Variants in AGBL4 observed in about 807,000 individuals in gnomAD.
AGBL4 encodes cytosolic carboxypeptidase 6.
Under a neutral mutation model 66.4 loss-of-function variants are expected in AGBL4, and 58 were observed. That is an observed-to-expected ratio of 0.87 (90% CI 0.71 to 1.09). The LOEUF is 1.09. Among genes scored for constraint, AGBL4 ranks in the 50% least tolerant of loss-of-function variants. The pLI is 0.00. For missense variants in AGBL4, 579 were observed against 631.0 expected, an observed-to-expected ratio of 0.92 and a Z score of 0.88; for synonymous variants, 234 against 222.9, an observed-to-expected ratio of 1.05 and a Z score of -0.44.
At chr1:49,775,216 C>T (rs1315237460) in intron 2 of AGBL4, among the ~76,000 whole-genome samples, 3 of 152,148 alleles carry the variant, frequency 2.0e-5, no homozygotes, top group South Asian at 2.1e-4. Context: ...TTCCACTTAA[C>T]GTTAGGTAAA....
At chr1:49,471,419 G>T (rs1310713220) in intron 3 of AGBL4, among the ~76,000 whole-genome samples, 1 of 151,850 alleles carries the variant, frequency 6.6e-6, no homozygotes, top group African/African-American at 2.4e-5. Flanking sequence ...TAGGAAGATG[G>T]AGCACATGTA....
intron 9 of AGBL4, among the ~76,000 whole-genome samples, chr1:48,591,516 G>A (rs1287252578): frequency 2.0e-5 from 3 of 152,066 alleles, no homozygotes; most frequent in Non-Finnish European, 2.9e-5. Flanking sequence ...TGAAAAACGA[G>A]TATTTTAATT....
At chr1:49,487,189 T>G (rs1352620011) in intron 3 of AGBL4, among the ~76,000 whole-genome samples, 1 of 151,974 alleles carries the variant, frequency 6.6e-6, no homozygotes, top group Non-Finnish European at 1.5e-5. Context: ...GATTATTTCA[T>G]CCAACTCATA....
chr1:49,217,911 T>C (rs1649212400), intron 4 of AGBL4, among the ~76,000 whole-genome samples: 1 of 152,124 alleles, frequency 6.6e-6, no homozygotes, highest in South Asian at 2.1e-4. Context: ...CCAATCTTCC[T>C]ACCAGGGCAA....
intron 5 of AGBL4, among the ~76,000 whole-genome samples, chr1:49,001,330 A>G (rs1661378541): frequency 6.6e-6 from 1 of 152,218 alleles, no homozygotes; most frequent in African/African-American, 2.4e-5. Context: ...AGCTCTAATT[A>G]TATGCCAGAG....
At chr1:49,504,253 T>G (rs372293563) in intron 3 of AGBL4, among the ~76,000 whole-genome samples, 4 of 152,190 alleles carry the variant, frequency 2.6e-5, no homozygotes, top group African/African-American at 9.6e-5. Flanking sequence ...TGATTGTAAG[T>G]TTTCTGAGGC....
chr1:49,662,064 GA>G (rs1291233765), intron 3 of AGBL4, among the ~76,000 whole-genome samples: 1 of 151,554 alleles, frequency 6.6e-6, no homozygotes, highest in African/African-American at 2.4e-5. Flanking sequence ...CAGACAAAAA[GA>G]AATAATAATA....
intron 6 of AGBL4, among the ~76,000 whole-genome samples, chr1:48,820,232 ACT>A (rs1646280935): frequency 1.3e-5 from 2 of 152,122 alleles, no homozygotes; most frequent in Non-Finnish European, 2.9e-5. Flanking sequence ...CTTAGAAAAC[ACT>A]CTCATTTAAG....
chr1:49,569,854 A>T (rs1334650994), intron 3 of AGBL4, among the ~76,000 whole-genome samples: 1 of 152,068 alleles, frequency 6.6e-6, no homozygotes, highest in Non-Finnish European at 1.5e-5. Context: ...TTGTGTGTTC[A>T]CTTATTTCAC....
At chr1:49,228,634 T>C (rs1472943553) in intron 4 of AGBL4, among the ~76,000 whole-genome samples, 1 of 152,174 alleles carries the variant, frequency 6.6e-6, no homozygotes, top group African/African-American at 2.4e-5. Context: ...TGGATTGCTG[T>C]GAGCAAGGGG....
intron 5 of AGBL4, among the ~76,000 whole-genome samples, chr1:48,918,829 C>A (rs556755540): frequency 6.6e-6 from 1 of 152,324 alleles, no homozygotes; most frequent in South Asian, 2.1e-4. Flanking sequence ...ATACCAATTT[C>A]ATAGTGACTC....
At chr1:48,732,002 A>C (rs1314918793) in intron 6 of AGBL4, among the ~76,000 whole-genome samples, 1 of 152,130 alleles carries the variant, frequency 6.6e-6, no homozygotes, top group African/African-American at 2.4e-5. Context: ...AGTACTGTGG[A>C]GAGATGCAGA....
chr1:48,947,178 C>T (rs1376492379), intron 5 of AGBL4, among the ~76,000 whole-genome samples: 1 of 152,228 alleles, frequency 6.6e-6, no homozygotes, highest in Non-Finnish European at 1.5e-5. Flanking sequence ...AAAAGCCTTT[C>T]CTGATGCTCC....
intron 3 of AGBL4, among the ~76,000 whole-genome samples, chr1:49,573,442 C>G (rs1433923634): frequency 1.3e-5 from 2 of 152,036 alleles, no homozygotes; most frequent in Non-Finnish European, 2.9e-5. Context: ...TCCTAATTCA[C>G]CATTTGTGAG....
chr1:49,513,228 C>T (rs934326600), intron 3 of AGBL4, among the ~76,000 whole-genome samples: 24 of 151,936 alleles, frequency 1.6e-4, no homozygotes, highest in African/African-American at 4.8e-4. Context: ...CAGACTCCTC[C>T]GATATTAATC....
chr1:49,810,941 G>A (rs1645087194), intron 2 of AGBL4, among the ~76,000 whole-genome samples: 1 of 152,178 alleles, frequency 6.6e-6, no homozygotes, highest in Admixed American at 6.6e-5. Context: ...GACAATCACA[G>A]TAGTCACAGA....
intron 3 of AGBL4, among the ~76,000 whole-genome samples, chr1:49,427,511 C>T (rs955318260): frequency 2.0e-5 from 3 of 152,092 alleles, no homozygotes; most frequent in African/African-American, 7.2e-5. Context: ...AAGAATGAAG[C>T]CACGGACCCT....
intron 3 of AGBL4, among the ~76,000 whole-genome samples, chr1:49,299,114 T>C (rs1644697490): frequency 6.6e-6 from 1 of 152,066 alleles, no homozygotes; most frequent in South Asian, 2.1e-4. Flanking sequence ...AATCCAAAAG[T>C]AGGCTGTATC....
intron 3 of AGBL4, among the ~76,000 whole-genome samples, chr1:49,378,884 G>A (rs1472096136): frequency 6.6e-6 from 1 of 152,086 alleles, no homozygotes; most frequent in Admixed American, 6.6e-5. Flanking sequence ...CGAAGTATGT[G>A]TGGTCTGGTG....
Sources: gnomAD v4.1 joint callset for allele counts (sites outside exome capture counted in the v4.1 genomes callset) on GRCh38, gnomAD v4.1.1 for gene constraint, MANE v1.5 for transcripts, NCBI Gene and HGNC (gene_info 2026-07-23, HGNC 2026-07-21) for gene names.